Variants in ERC2 observed in about 807,000 individuals in gnomAD.
The protein encoded by ERC2 is ELKS/RAB6-interacting/CAST family member 2.
In ERC2, 42 loss-of-function variants were observed where a neutral mutation model predicts 114.8. The ratio of observed to expected loss-of-function variants is 0.37; its 90% confidence interval spans 0.29 to 0.47. The LOEUF (loss-of-function observed/expected upper bound fraction) is 0.47, where lower values mean the gene tolerates loss of function less well. ERC2 is among the 20% of genes least tolerant of loss of function. The pLI, the probability that ERC2 is intolerant of heterozygous loss-of-function variation, is 0.99. For missense variants in ERC2, 939 were observed against 1,150.7 expected (o/e 0.82, Z 2.66); for synonymous variants, 454 against 425.5 (o/e 1.07, Z -0.82).
At chr3:56,255,585 C>T (rs189522204) in intron 3 of ERC2, among the ~76,000 whole-genome samples, 81 of 152,282 alleles carry the variant, frequency 5.3e-4, no homozygotes, top group Non-Finnish European at 9.4e-4. Context: ...AATATACAGC[C>T]TAGATACTTT....
chr3:55,858,984 G>A (rs1170574511), intron 14 of ERC2, among the ~76,000 whole-genome samples: 1 of 152,108 alleles, frequency 6.6e-6, no homozygotes, highest in Non-Finnish European at 1.5e-5. Context: ...GAACTGACCT[G>A]GCTCCTTTAC....
At chr3:56,203,794 T>A (rs1298963092) in intron 3 of ERC2, among the ~76,000 whole-genome samples, 1 of 152,220 alleles carries the variant, frequency 6.6e-6, no homozygotes, top group East Asian at 1.9e-4. Context: ...GGATAAGTGC[T>A]AACTGAGTGA....
At chr3:56,024,212 C>T (rs1278358369) in intron 7 of ERC2, among the ~76,000 whole-genome samples, 1 of 152,128 alleles carries the variant, frequency 6.6e-6, no homozygotes, top group African/African-American at 2.4e-5. Flanking sequence ...AAATCAGGGT[C>T]AGGGAAAATA....
intron 16 of ERC2, among the ~76,000 whole-genome samples, chr3:55,692,044 T>TC: frequency 6.6e-6 from 1 of 152,144 alleles, no homozygotes; most frequent in East Asian, 1.9e-4. Flanking sequence ...TTTTTATTCC[T>TC]CCCTAAGCAA....
chr3:55,560,565 G>T (rs553766359), intron 17 of ERC2, among the ~76,000 whole-genome samples: 1 of 152,248 alleles, frequency 6.6e-6, no homozygotes, highest in South Asian at 2.1e-4. Flanking sequence ...CTTGGCATGT[G>T]ACTACAGCCA....
chr3:56,127,751 G>A (rs1575520635), intron 6 of ERC2, among the ~76,000 whole-genome samples: 1 of 149,016 alleles, frequency 6.7e-6, no homozygotes, highest in East Asian at 2.0e-4. Flanking sequence ...AACCAGCATA[G>A]TATTGGCATA....
intron 7 of ERC2, among the ~76,000 whole-genome samples, chr3:56,066,398 G>T (rs1442272898): frequency 6.6e-6 from 1 of 152,072 alleles, no homozygotes; most frequent in East Asian, 1.9e-4. Context: ...ACTTTTTGAT[G>T]GGGTTGTTTT....
At chr3:56,463,419 C>A (rs2063405912) in intron 1 of ERC2, among the ~76,000 whole-genome samples, 1 of 152,156 alleles carries the variant, frequency 6.6e-6, no homozygotes, top group South Asian at 2.1e-4. Flanking sequence ...AAACTTCCAC[C>A]TATGCCATTA....
chr3:55,673,923 G>A (rs2061672165), intron 17 of ERC2, among the ~76,000 whole-genome samples: 1 of 150,534 alleles, frequency 6.6e-6, no homozygotes, highest in Non-Finnish European at 1.5e-5. Flanking sequence ...TGGGGGATCA[G>A]CAAGGTTGCT....
At chr3:55,640,707 C>T (rs1357187502) in intron 17 of ERC2, among the ~76,000 whole-genome samples, 1 of 152,144 alleles carries the variant, frequency 6.6e-6, no homozygotes. Context: ...TCCTGATTTT[C>T]CACTCCCCAG....
intron 6 of ERC2, among the ~76,000 whole-genome samples, chr3:56,115,246 T>A (rs542855087): frequency 6.6e-6 from 1 of 152,162 alleles, no homozygotes; most frequent in Admixed American, 6.5e-5. Context: ...GATAAACCCA[T>A]TGGGCAGTTA....
chr3:56,459,743 A>G (rs2063226771), intron 1 of ERC2, among the ~76,000 whole-genome samples: 1 of 152,190 alleles, frequency 6.6e-6, no homozygotes, highest in Non-Finnish European at 1.5e-5. Context: ...CCAGGAAAAA[A>G]TAACCACTTA....
chr3:55,942,266 CTTTTTTTTTTTTTTTTTTT>C (rs56851837), intron 13 of ERC2, among the ~76,000 whole-genome samples: 14 of 42,114 alleles, frequency 3.3e-4, no homozygotes, highest in South Asian at 1.1e-3. Flanking sequence ...AAGGTCCTTT[CTTTTTTTTTTTTTTTTTTT>C]TTTTTTTTTT....
intron 7 of ERC2, among the ~76,000 whole-genome samples, chr3:56,047,965 A>C (rs1415991970): frequency 6.6e-6 from 1 of 152,210 alleles, no homozygotes; most frequent in East Asian, 1.9e-4. Flanking sequence ...GTGGAATTCC[A>C]AGAAAGCAAC....
intron 4 of ERC2, among the ~76,000 whole-genome samples, chr3:56,159,086 A>T (rs890775451): frequency 2.7e-5 from 4 of 150,822 alleles, no homozygotes; most frequent in Non-Finnish European, 4.4e-5. Context: ...AGTGTGTGGC[A>T]CCCCCCCACC....
chr3:55,946,222 A>G (rs2067119932), intron 13 of ERC2, among the ~76,000 whole-genome samples: 1 of 152,218 alleles, frequency 6.6e-6, no homozygotes, highest in African/African-American at 2.4e-5. Context: ...AAGGTCAGAC[A>G]TAAATATCAT....
intron 17 of ERC2, among the ~76,000 whole-genome samples, chr3:55,647,500 T>C (rs750421165): frequency 1.3e-5 from 2 of 152,102 alleles, no homozygotes; most frequent in Non-Finnish European, 2.9e-5. Flanking sequence ...ACAACTGTAA[T>C]GTAAAACATT....
chr3:56,393,531 C>A (rs1227016171), intron 2 of ERC2, among the ~76,000 whole-genome samples: 1 of 152,180 alleles, frequency 6.6e-6, no homozygotes, highest in Non-Finnish European at 1.5e-5. Context: ...CCATGTAACA[C>A]AATTGTAATT....
In ERC2 at chr3:56,085,722, T is replaced by C. The variant is rs535958424; in HGVS notation, c.1474-4738A>G. Among the ~76,000 whole-genome samples the C allele has an allele frequency of 5.3e-5, 8 of 152,292 alleles. No homozygotes were observed. The South Asian group carries it at 1.0e-3, about 20-fold the overall frequency. On this transcript the variant is annotated intron_variant, in intron 6 of 17. Coordinates refer to ENST00000288221, the MANE Select transcript of ERC2 (RefSeq NM_015576.3). ...TTTTGAGTTTATGCACAAATATAGG[T>C]ATTTGGTGGATTACTGGAATATTGG...
Sources: gnomAD v4.1 joint callset for allele counts (sites outside exome capture counted in the v4.1 genomes callset) on GRCh38, gnomAD v4.1.1 for gene constraint, MANE v1.5 for transcripts, NCBI Gene and HGNC (gene_info 2026-07-23, HGNC 2026-07-21) for gene names.